COL6A6: variants seen among roughly 807,000 people sequenced by gnomAD.
The protein encoded by COL6A6 is collagen type VI alpha 6 chain.
A neutral mutation model predicts 208.6 loss-of-function variants in COL6A6; 183 were observed. That is an observed-to-expected ratio of 0.88 (90% CI 0.78 to 0.99). The LOEUF (loss-of-function observed/expected upper bound fraction) is 0.99. Among genes scored for constraint, COL6A6 ranks in the 50% least tolerant of loss-of-function variants. COL6A6 has a pLI of 0.00. For missense variants in COL6A6, 2,816 were observed against 2,815.2 expected (o/e 1.00, Z -0.01); for synonymous variants, 973 against 1,011.8 (o/e 0.96, Z 0.73).
At chr3:130,584,358 C>A (rs572659097) in intron 10 of COL6A6, among the ~76,000 whole-genome samples, 1 of 151,934 alleles carries the variant, frequency 6.6e-6, no homozygotes, top group Admixed American at 6.6e-5. Context: ...TAAGTAGATC[C>A]ATTAGCATGC....
Position 130,563,597 on chromosome 3 carries a change from C to T in COL6A6, c.594C>T (p.Asn198=). 1 of 1,614,014 alleles carries T rather than the reference C, an allele frequency of 6.2e-7. No individual in the cohort carries two copies. Among genetic ancestry groups the T allele is most frequent in the Non-Finnish European group, 8.5e-7 (1 of 1,179,894 alleles). The change falls in exon 3 of 37, where the codon AAC becomes AAT. Residue 198 remains asparagine (N), a synonymous_variant. Transcript: ENST00000358511. ...GAGACCTCAGCATGTTTTCCCAAAACATGACACACATCATCAAGGATGTAA... is the reference window on the plus strand; with the variant it reads ...GAGACCTCAGCATGTTTTCCCAAAATATGACACACATCATCAAGGATGTAA... The part of the protein sequence containing the change: ...TVRDLSMFSQ[N]MTHIIKDVIK...
chr3:130,532,030 A>T (rs1387530693), intron 1 of COL6A6, among the ~76,000 whole-genome samples: 1 of 152,180 alleles, frequency 6.6e-6, no homozygotes, highest in Non-Finnish European at 1.5e-5. Context: ...ATGTAAATGC[A>T]TGGATTTGCA....
intron 1 of COL6A6, among the ~76,000 whole-genome samples, chr3:130,525,146 A>G (rs1040767820): frequency 2.0e-5 from 3 of 150,122 alleles, no homozygotes; most frequent in Non-Finnish European, 2.9e-5. Context: ...AAGAGATTTG[A>G]ATTCTGGATG....
intron 36 of COL6A6, among the ~76,000 whole-genome samples, chr3:130,669,079 C>T (rs963813930): frequency 1.3e-5 from 2 of 152,154 alleles, no homozygotes; most frequent in Non-Finnish European, 2.9e-5. Flanking sequence ...TGTCTGACCA[C>T]AATGCAATTA....
In COL6A6 at chr3:130,675,635, A is replaced by G. The variant is rs1354807495; in HGVS notation, c.*238A>G. The G allele has an allele frequency of 5.2e-6, 2 of 385,230 alleles. No individual in the cohort carries two copies. The allele number at this position is 385,230 out of a possible 1,614,324, so 23.9% of individuals were successfully genotyped here. A position where few individuals can be genotyped will look rare whatever the true frequency, so the allele number is the denominator to read the frequency against. ...CATTAGAAGACAGAAGAATGAAAGA[A>G]GTGTTTTGAAAAGTCTAATGGAGAT... On this transcript the variant is annotated 3_prime_UTR_variant, in exon 37 of 37. Transcript: ENST00000358511.
chr3:130,647,942 C>T (rs1471054635), intron 32 of COL6A6, among the ~76,000 whole-genome samples: 2 of 152,214 alleles, frequency 1.3e-5, no homozygotes, highest in Non-Finnish European at 2.9e-5. Flanking sequence ...CTTTGTTGAG[C>T]TCTTTTTCAT....
chr3:130,531,054 A>T (rs1205374056), intron 1 of COL6A6, among the ~76,000 whole-genome samples: 98 of 83,844 alleles, frequency 1.2e-3, no homozygotes, highest in African/African-American at 4.9e-3. Context: ...ACACACACAC[A>T]CACACAGTCT....
chr3:130,585,708 A>G (rs574421942), intron 10 of COL6A6, among the ~76,000 whole-genome samples: 3 of 152,314 alleles, frequency 2.0e-5, no homozygotes, highest in Non-Finnish European at 2.9e-5. Context: ...TAATTGCCTG[A>G]CAATAGGCCT....
intron 1 of COL6A6, among the ~76,000 whole-genome samples, chr3:130,520,131 G>A (rs1710978552): frequency 6.6e-6 from 1 of 152,100 alleles, no homozygotes. Flanking sequence ...TTTCCGTGAG[G>A]GTCAAATTAT....
At chr3:130,522,464 A>T (rs1199306055) in intron 1 of COL6A6, among the ~76,000 whole-genome samples, 3 of 152,230 alleles carry the variant, frequency 2.0e-5, no homozygotes, top group Non-Finnish European at 4.4e-5. Context: ...CTCAGTGAAG[A>T]TAATGCTGGG....
chr3:130,653,843 G>C (rs2065712743), intron 33 of COL6A6, among the ~76,000 whole-genome samples: 1 of 152,096 alleles, frequency 6.6e-6, no homozygotes, highest in Non-Finnish European at 1.5e-5. Context: ...GGAGGTATTG[G>C]GTGAGAGTGC....
chr3:130,542,191 T>C (rs987230093), intron 1 of COL6A6, among the ~76,000 whole-genome samples: 2 of 152,176 alleles, frequency 1.3e-5, no homozygotes, highest in African/African-American at 4.8e-5. Flanking sequence ...TTTTCTTTGC[T>C]TTGGATTTAA....
chr3:130,623,223 C>T (rs547931825), intron 24 of COL6A6, among the ~76,000 whole-genome samples: 26 of 152,204 alleles, frequency 1.7e-4, no homozygotes, highest in South Asian at 2.1e-4. Flanking sequence ...TTTGGGAAGC[C>T]GAGCCAGGTG....
At chr3:130,615,820 G>A (rs1446312107) in intron 23 of COL6A6, among the ~76,000 whole-genome samples, 1 of 152,082 alleles carries the variant, frequency 6.6e-6, no homozygotes, top group East Asian at 1.9e-4. Flanking sequence ...TATTTCTCTT[G>A]GTCTAGAATC....
intron 28 of COL6A6, among the ~76,000 whole-genome samples, chr3:130,638,440 A>G (rs866760198): frequency 6.6e-6 from 1 of 152,148 alleles, no homozygotes; most frequent in Non-Finnish European, 1.5e-5. Context: ...GACCCACCTG[A>G]TGGAGGTTCG....
intron 26 of COL6A6, among the ~76,000 whole-genome samples, chr3:130,628,847 G>GCC (rs2064974217): frequency 1.0e-5 from 1 of 98,006 alleles, no homozygotes; most frequent in South Asian, 3.2e-4. Context: ...CTGTCTGTTA[G>GCC]AAGGAAAACT....
chr3:130,552,313 G>T (rs558770391), intron 1 of COL6A6, among the ~76,000 whole-genome samples: 8 of 152,158 alleles, frequency 5.3e-5, no homozygotes, highest in Non-Finnish European at 1.2e-4. Flanking sequence ...GTGAATCTGG[G>T]CGCTGCTGTT....
At chr3:130,628,083 A>G (rs964868971) in intron 26 of COL6A6, among the ~76,000 whole-genome samples, 4 of 152,238 alleles carry the variant, frequency 2.6e-5, no homozygotes, top group Non-Finnish European at 4.4e-5. Flanking sequence ...TAAAATATTG[A>G]AGGATGAACA....
chr3:130,590,921 C>T, intron 12 of COL6A6, 120 bp from the exon 13 acceptor site: 2 of 753,928 alleles, frequency 2.7e-6, no homozygotes, highest in South Asian at 3.2e-5. Context: ...GAAGGAAGGA[C>T]CATTTTTTTC....
Sources: allele counts gnomAD v4.1 joint callset (sites outside exome capture counted in the v4.1 genomes callset), GRCh38; gene constraint gnomAD v4.1.1; transcripts MANE v1.5; gene names NCBI Gene and HGNC (gene_info 2026-07-23, HGNC 2026-07-21).